Variants in DGLUCY observed in about 807,000 individuals in gnomAD.
DGLUCY encodes D-glutamate cyclase, mitochondrial.
A neutral mutation model predicts 58.5 loss-of-function variants in DGLUCY; 58 were observed. The observed-to-expected ratio is 0.99, with a 90% CI of 0.80 to 1.23. The LOEUF is 1.23. DGLUCY is among the 50% of genes most tolerant of loss of function. The probability of loss-of-function intolerance (pLI) is 0.00; values close to 1 mark genes in which losing one functional copy is unlikely to be tolerated. For synonymous variants in DGLUCY, 325 were observed against 314.1 expected, an observed-to-expected ratio of 1.03 and a Z score of -0.37; for missense variants, 779 against 784.7, an observed-to-expected ratio of 0.99 and a Z score of 0.09.
intron 13 of DGLUCY, among the ~76,000 whole-genome samples, chr14:91,217,442 A>G (rs1248866293): frequency 4.6e-5 from 7 of 150,630 alleles, no homozygotes; most frequent in African/African-American, 1.2e-4. Context: ...TAGCCTCCCA[A>G]CGTCTGCAAC....
intron 12 of DGLUCY, among the ~76,000 whole-genome samples, chr14:91,213,117 C>CA (rs1400345372): frequency 6.6e-6 from 1 of 151,822 alleles, no homozygotes; most frequent in African/African-American, 2.4e-5. Context: ...GCCTAGGTGA[C>CA]AGAGTGAGAC....
chr14:91,167,813 C>G, intron 4 of DGLUCY: 1 of 623,302 alleles, frequency 1.6e-6, no homozygotes. Flanking sequence ...GGTCGGTGTA[C>G]CTCTCCCACG....
intron 1 of DGLUCY, among the ~76,000 whole-genome samples, chr14:91,090,217 G>A (rs2044288792): frequency 1.3e-5 from 2 of 152,072 alleles, no homozygotes; most frequent in African/African-American, 4.8e-5. Flanking sequence ...ATTACATCAG[G>A]TTCTTATGGG....
chr14:91,216,996 C>T (rs1886629017), intron 13 of DGLUCY, among the ~76,000 whole-genome samples: 1 of 152,210 alleles, frequency 6.6e-6, no homozygotes, highest in Admixed American at 6.5e-5. Flanking sequence ...TTTCCATGGC[C>T]CTCTTAGAGC....
intron 8 of DGLUCY, among the ~76,000 whole-genome samples, chr14:91,184,543 T>TA (rs1230166167): frequency 8.1e-6 from 1 of 124,002 alleles, no homozygotes; most frequent in African/African-American, 3.3e-5. Flanking sequence ...AATAGAGCAA[T>TA]ACCCTGTGAA....
intron 1 of DGLUCY, among the ~76,000 whole-genome samples, chr14:91,088,668 T>C (rs1383106458): frequency 6.6e-6 from 1 of 152,170 alleles, no homozygotes; most frequent in Admixed American, 6.5e-5. Context: ...TTCCATAGGG[T>C]TCCCCTAAGC....
upstream of DGLUCY, among the ~76,000 whole-genome samples, chr14:91,112,772 C>A (rs2044728876): frequency 6.6e-6 from 1 of 151,832 alleles, no homozygotes; most frequent in African/African-American, 2.4e-5. Context: ...GTAATCCCAG[C>A]ACTTTGGGAG....
intron 1 of DGLUCY, among the ~76,000 whole-genome samples, chr14:91,142,840 A>AACACACACACACACACACACACAC (rs558892923): frequency 1.6e-5 from 2 of 124,226 alleles, no homozygotes; most frequent in African/African-American, 6.1e-5. Flanking sequence ...ATCTCTACTA[A>AACACACACACACACACACACACAC]ACACACACAC....
Position 91,108,526 on chromosome 14 carries a change from T to TGTGTGAGAGAGAGAGAGAGAGA in DGLUCY, c.-82+466_-82+467insTGTGAGAGAGAGAGAGAGAGAG, listed in dbSNP as rs1265665234. On this transcript the variant is annotated intron_variant, in intron 1 of 4. Coordinates refer to the DGLUCY transcript ENST00000518871. ...GTGTGTGTGTGTGTGTGTGTGTGTG[T>TGTGTGAGAGAGAGAGAGAGAGA]GAGAGAGAGAGAGAGAGAGAGAGAG... Among the ~76,000 whole-genome samples the TGTGTGAGAGAGAGAGAGAGAGA allele has an allele frequency of 2.6e-3, 135 of 52,152 alleles. 3 individuals carry two copies. Among genetic ancestry groups the TGTGTGAGAGAGAGAGAGAGAGA allele is most frequent in the Admixed American group, 4.3e-3 (16 of 3,752 alleles). The allele number at this position is 52,152 out of a possible 152,430, so 34.2% of individuals were successfully genotyped here.
intron 1 of DGLUCY, among the ~76,000 whole-genome samples, chr14:91,137,346 TA>T (rs1430761291): frequency 6.6e-6 from 1 of 151,988 alleles, no homozygotes; most frequent in East Asian, 1.9e-4. Flanking sequence ...TCTTTTGGAA[TA>T]AGGGTCTTAT....
At chr14:91,181,964 T>TA (rs2049203146) in intron 8 of DGLUCY, among the ~76,000 whole-genome samples, 1 of 149,642 alleles carries the variant, frequency 6.7e-6, no homozygotes, top group African/African-American at 2.5e-5. Context: ...TCTTTATGGC[T>TA]TTTTATTTAT....
chr14:91,085,570 T>TTTG (rs1387270367), intron 1 of DGLUCY, among the ~76,000 whole-genome samples: 16 of 151,440 alleles, frequency 1.1e-4, no homozygotes, highest in African/African-American at 3.9e-4. Context: ...TTTGTTTTTT[T>TTTG]TTTTTTTTAG....
At chr14:91,150,339 A>G (rs540364961) in intron 1 of DGLUCY, among the ~76,000 whole-genome samples, 9 of 151,874 alleles carry the variant, frequency 5.9e-5, no homozygotes, top group Non-Finnish European at 1.3e-4. Context: ...GGGCTAGAAT[A>G]TTTGATATTC....
chr14:91,174,951 C>T (rs8010681), intron 6 of DGLUCY, among the ~76,000 whole-genome samples: 14,557 of 152,036 alleles, frequency 0.096, 2,010 homozygotes, highest in African/African-American at 0.31. Flanking sequence ...ACTGTTACTG[C>T]GGTGTGAGAG....
upstream of DGLUCY, among the ~76,000 whole-genome samples, chr14:91,106,714 A>AG: frequency 6.6e-6 from 1 of 151,804 alleles, no homozygotes; most frequent in East Asian, 1.9e-4. Flanking sequence ...CTCAAAAAAA[A>AG]AAAAAAACTC....
intron 13 of DGLUCY, among the ~76,000 whole-genome samples, chr14:91,219,657 T>C (rs1887132258): frequency 6.6e-6 from 1 of 152,192 alleles, no homozygotes; most frequent in Non-Finnish European, 1.5e-5. Context: ...TGGACATCAC[T>C]ACCTGGGCAC....
upstream of DGLUCY, among the ~76,000 whole-genome samples, chr14:91,106,125 T>C (rs1595651075): frequency 6.6e-6 from 1 of 151,976 alleles, no homozygotes; most frequent in East Asian, 1.9e-4. Flanking sequence ...CTGGCCAACA[T>C]GGTGAAAGCC....
At chr14:91,132,154 A>G (rs902984605) in intron 1 of DGLUCY, among the ~76,000 whole-genome samples, 13 of 152,202 alleles carry the variant, frequency 8.5e-5, no homozygotes, top group Non-Finnish European at 7.3e-5. Flanking sequence ...AAGTTTCCAG[A>G]CATGGCTATG....
intron 1 of DGLUCY, among the ~76,000 whole-genome samples, chr14:91,097,830 C>T (rs149132803): frequency 0.028 from 4,206 of 152,252 alleles, 205 homozygotes; most frequent in African/African-American, 0.095. Context: ...TGTGCCACCA[C>T]GCCCAGCTAA....
Sources: gnomAD v4.1 joint callset for allele counts (sites outside exome capture counted in the v4.1 genomes callset) on GRCh38, gnomAD v4.1.1 for gene constraint, MANE v1.5 for transcripts, NCBI Gene and HGNC (gene_info 2026-07-23, HGNC 2026-07-21) for gene names.